Variants in CACNA1A observed in about 807,000 individuals in gnomAD.
The protein encoded by CACNA1A is calcium voltage-gated channel subunit alpha1 A.
In CACNA1A, 57 loss-of-function variants were observed where a neutral mutation model predicts 262.4. The observed-to-expected ratio is 0.22, with a 90% CI of 0.18 to 0.27. The LOEUF (loss-of-function observed/expected upper bound fraction) is 0.27. Among genes scored for constraint, CACNA1A ranks in the 10% least tolerant of loss-of-function variants. CACNA1A has a pLI of 1.00. For missense variants in CACNA1A, 2,526 were observed against 3,562.8 expected (o/e 0.71, Z 7.41); for synonymous variants, 1,431 against 1,419.3 (o/e 1.01, Z -0.18).
chr19:13,248,853 A>T lies in CACNA1A; in HGVS notation c.4867-3588T>A, dbSNP rs571284104. Among the ~76,000 whole-genome samples, 251 of 146,470 alleles carry T rather than the reference A, an allele frequency of 1.7e-3. 2 individuals carry two copies. The highest frequency in any genetic ancestry group is 0.01 in the South Asian group (47 of 4,480). On this transcript the variant is annotated intron_variant, in intron 30 of 46. Coordinates refer to ENST00000360228, the MANE Select transcript of CACNA1A (RefSeq NM_001127222.2). Reference sequence around the variant, plus strand: ...GTGAGAATCCATCTCAAAAAAAAAAAAATAATAATAAATTACAGATTCAGT... The same window carrying T: ...GTGAGAATCCATCTCAAAAAAAAAATAATAATAATAAATTACAGATTCAGT...
chr19:13,431,436 T>C (rs2060501607), intron 3 of CACNA1A, among the ~76,000 whole-genome samples: 1 of 151,660 alleles, frequency 6.6e-6, no homozygotes, highest in African/African-American at 2.4e-5. Context: ...GATCTGGAGG[T>C]CTGAGGCCAG....
At chr19:13,394,993 T>C (rs2059784339) in intron 3 of CACNA1A, among the ~76,000 whole-genome samples, 1 of 152,068 alleles carries the variant, frequency 6.6e-6, no homozygotes, top group Non-Finnish European at 1.5e-5. Flanking sequence ...TCTGGCCAGC[T>C]GTGGTAGCTC....
intron 10 of CACNA1A, among the ~76,000 whole-genome samples, chr19:13,324,264 G>A (rs910402536): frequency 1.3e-5 from 2 of 152,196 alleles, no homozygotes; most frequent in Non-Finnish European, 2.9e-5. Flanking sequence ...AGGAGAAGAT[G>A]TTGATCAAAG....
intron 1 of CACNA1A, among the ~76,000 whole-genome samples, chr19:13,474,855 C>A (rs1023685975): frequency 2.6e-5 from 4 of 151,806 alleles, no homozygotes; most frequent in African/African-American, 9.7e-5. Context: ...ACAGACATTC[C>A]TTCACCCCTT....
rs996669843 is a variant in CACNA1A at position 13,241,508 on chromosome 19, A to G, written c.4950+3674T>C. 2 of 1,510,776 alleles carry G rather than the reference A, an allele frequency of 1.3e-6. No homozygotes were observed. The highest frequency in any genetic ancestry group is 1.4e-5 in the African/African-American group (1 of 72,554). The allele number at this position is 1,510,776 out of a possible 1,614,324, so 93.6% of individuals were successfully genotyped here. A position where few individuals can be genotyped will look rare whatever the true frequency, so the allele number is the denominator to read the frequency against. ...TGTAAGGCATTTAGACTTCAGAAAG[A>G]AGTAAGACCAACCGGATTCTAGATG... is the stretch of plus-strand genomic sequence containing the variant. On this transcript the variant is annotated intron_variant, in intron 31 of 46. Coordinates refer to ENST00000360228, the MANE Select transcript of CACNA1A (RefSeq NM_001127222.2). This position sits in a 1 kb window ranked among gnomAD's most constrained non-coding sequence, Gnocchi z 4.0.
At chr19:13,497,846 C>T (rs1002979117) in intron 1 of CACNA1A, among the ~76,000 whole-genome samples, 100 of 151,968 alleles carry the variant, frequency 6.6e-4, no homozygotes, top group African/African-American at 2.4e-3. Context: ...TACAATTCCT[C>T]GGACATAGGA....
Position 13,230,120 on chromosome 19 carries a change from C to T in CACNA1A, c.5490G>A (p.Glu1830=), listed in dbSNP as rs1254355836. The stretch of plus-strand genomic sequence containing the variant: ...CATACTCGGCCCAGACACGCACGTA[C>T]TCATCCAGGTGGTGGGGGCCCAGGA... ...SSILGPHHLD[E]YVRVWAEYDP... The change falls in exon 36 of 47, where the codon GAG becomes GAA. Residue 1830 remains glutamate, a synonymous_variant. Transcript: ENST00000360228. 2.5e-6 allele frequency: 4 copies of T among 1,613,740 alleles called. No homozygotes were observed. The East Asian group carries it at 6.7e-5, about 27-fold the overall frequency.
chr19:13,431,294 C>T (rs1369497087), intron 3 of CACNA1A, among the ~76,000 whole-genome samples: 2 of 151,328 alleles, frequency 1.3e-5, no homozygotes, highest in Non-Finnish European at 2.9e-5. Context: ...GGGGCTGGAC[C>T]GGGGTGGGGC....
At chr19:13,376,760 T>A (rs998047246) in intron 3 of CACNA1A, among the ~76,000 whole-genome samples, 1 of 145,426 alleles carries the variant, frequency 6.9e-6, no homozygotes, top group African/African-American at 2.5e-5. Flanking sequence ...ATATGTTATA[T>A]GTGACATATA....
At chr19:13,216,237 G>T (rs1435394569) in intron 38 of CACNA1A, among the ~76,000 whole-genome samples, 2 of 152,190 alleles carry the variant, frequency 1.3e-5, no homozygotes, top group East Asian at 1.9e-4. Flanking sequence ...ACATGGGGGG[G>T]TTCCTCCTGT....
intron 38 of CACNA1A, among the ~76,000 whole-genome samples, chr19:13,216,651 CTAT>C (rs2055021020): frequency 2.7e-3 from 1 of 376 alleles, no homozygotes; most frequent in Non-Finnish European, 5.2e-3. Context: ...AAAAATTTAT[CTAT>C]CTATCTATCT....
At chr19:13,502,392 C>G (rs1419925497) in intron 1 of CACNA1A, among the ~76,000 whole-genome samples, 2 of 152,120 alleles carry the variant, frequency 1.3e-5, no homozygotes, top group Non-Finnish European at 2.9e-5. Flanking sequence ...CAGTGGGAGA[C>G]CTGGTGGCAC....
chr19:13,439,380 G>A (rs2060671964), intron 3 of CACNA1A, among the ~76,000 whole-genome samples: 1 of 146,936 alleles, frequency 6.8e-6, no homozygotes, highest in Admixed American at 6.9e-5. Context: ...CTCAGGATCA[G>A]TCTGGGTTCT....
intron 1 of CACNA1A, among the ~76,000 whole-genome samples, chr19:13,503,966 T>C (rs1255201177): frequency 2.0e-5 from 3 of 152,084 alleles, no homozygotes; most frequent in Admixed American, 6.5e-5. Flanking sequence ...CCCTCCAATC[T>C]GCAGGATTCA....
At chr19:13,213,173 G>T (rs2054880651) in intron 40 of CACNA1A, among the ~76,000 whole-genome samples, 1 of 152,088 alleles carries the variant, frequency 6.6e-6, no homozygotes, top group Non-Finnish European at 1.5e-5. Context: ...CCTTGCCCTT[G>T]TCTCCTCCCT....
chr19:13,212,820 C>T lies in CACNA1A; in HGVS notation c.5941-80G>A. On this transcript the variant is annotated intron_variant, in intron 40 of 46. Transcript: ENST00000360228. The surrounding 1 kb of genome is among the most constrained non-coding windows in gnomAD (Gnocchi z 5.6). ...GGTACCCAGAAGGCATTGCGACATC[C>T]CCAGTATACACACACACACACACAC... 1 of 604,374 alleles carries T rather than the reference C, an allele frequency of 1.7e-6. No individual in the cohort carries two copies. The highest frequency in any genetic ancestry group is 2.3e-5 in the South Asian group (1 of 43,540). The allele number at this position is 604,374 out of a possible 1,614,324, so 37.4% of individuals were successfully genotyped here.
chr19:13,280,715 C>T (rs1019493959), intron 22 of CACNA1A, among the ~76,000 whole-genome samples: 20 of 151,832 alleles, frequency 1.3e-4, no homozygotes, highest in African/African-American at 4.8e-4. Context: ...CCAAGGCGGG[C>T]GGATCACTTG....
At chr19:13,283,631 C>G (rs2057339466) in intron 21 of CACNA1A, 2 of 464,548 alleles carry the variant, frequency 4.3e-6, no homozygotes, top group East Asian at 3.7e-5. Flanking sequence ...AGCAAAGTTC[C>G]TATCACTCCC....
chr19:13,454,470 A>T (rs538291454), intron 2 of CACNA1A, among the ~76,000 whole-genome samples: 20 of 152,044 alleles, frequency 1.3e-4, no homozygotes, highest in African/African-American at 4.8e-4. Context: ...TCCCGGGTTC[A>T]AGCGATTCTC....
Sources: allele counts gnomAD v4.1 joint callset (sites outside exome capture counted in the v4.1 genomes callset), GRCh38; gene constraint gnomAD v4.1.1; non-coding constraint Gnocchi (gnomAD v3.1); transcripts MANE v1.5; gene names NCBI Gene and HGNC (gene_info 2026-07-23, HGNC 2026-07-21).